The following ROBO1 variants were observed in gnomAD, a reference collection of about 807,000 sequenced individuals.
ROBO1 encodes the protein roundabout homolog 1.
A neutral mutation model predicts 195.9 loss-of-function variants in ROBO1; 149 were observed. The ratio of observed to expected loss-of-function variants is 0.76; its 90% CI spans 0.67 to 0.87. The LOEUF is 0.87. Ranked by LOEUF, ROBO1 falls within the 40% of genes least tolerant of loss-of-function variation. The pLI, the probability that ROBO1 is intolerant of heterozygous loss-of-function variation, is 0.00. For missense variants in ROBO1, 1,933 were observed against 2,068.3 expected (o/e 0.93, Z 1.27); for synonymous variants, 816 against 733.2 (o/e 1.11, Z -1.82).
intron 2 of ROBO1, among the ~76,000 whole-genome samples, chr3:79,407,820 T>G (rs1156278660): frequency 6.6e-6 from 1 of 152,122 alleles, no homozygotes; most frequent in Non-Finnish European, 1.5e-5. Flanking sequence ...AATAAGCACA[T>G]TTTACAGACC....
chr3:79,550,153 AAG>A (rs1378250277), intron 2 of ROBO1, among the ~76,000 whole-genome samples: 1 of 64,760 alleles, frequency 1.5e-5, no homozygotes, highest in Non-Finnish European at 3.5e-5. Context: ...AAAAGAAAGG[AAG>A]AAAGAAAGAA....
At chr3:79,169,902 T>G (rs188873734) in intron 2 of ROBO1, among the ~76,000 whole-genome samples, 3 of 152,242 alleles carry the variant, frequency 2.0e-5, no homozygotes, top group Admixed American at 1.3e-4. Context: ...ACTCTTAACT[T>G]AAAGAGGTAA....
intron 2 of ROBO1, among the ~76,000 whole-genome samples, chr3:79,193,304 C>T (rs947297706): frequency 6.6e-6 from 1 of 151,626 alleles, no homozygotes; most frequent in Non-Finnish European, 1.5e-5. Context: ...ATTATAACAA[C>T]GAATTCAGGA....
At chr3:79,389,296 C>T (rs4510348) in intron 2 of ROBO1, among the ~76,000 whole-genome samples, 55,382 of 151,804 alleles carry the variant, frequency 0.36, 10,768 homozygotes, top group Admixed American at 0.49. Context: ...TGACTGTACA[C>T]CTTTCACAGC....
intron 2 of ROBO1, among the ~76,000 whole-genome samples, chr3:79,481,741 C>T (rs1230904718): frequency 6.6e-6 from 1 of 152,070 alleles, no homozygotes; most frequent in East Asian, 1.9e-4. Context: ...GCCACTTGGA[C>T]CTTGCTTTTA....
At chr3:78,793,229 A>G (rs1295680771) in intron 4 of ROBO1, among the ~76,000 whole-genome samples, 1 of 152,162 alleles carries the variant, frequency 6.6e-6, no homozygotes. Flanking sequence ...CTAATAATTC[A>G]TGGAGTTGTA....
At position 79,017,374 on chromosome 3, in the gene ROBO1, G is replaced by C. The variant is rs112482812; in HGVS notation, c.173-78447C>G. ...AAATCGTTTCATAATTGTGCAAACT[G>C]AGTGACTCTTACCGATAAGCCCTGA... On this transcript the variant is annotated intron_variant, in intron 3 of 30. Coordinates refer to ENST00000464233, the MANE Select transcript of ROBO1 (RefSeq NM_002941.4). Among the ~76,000 whole-genome samples the C allele has an allele frequency of 8.5e-5, 13 of 152,084 alleles. 1 individual carries two copies. Among genetic ancestry groups the C allele is most frequent in the African/African-American group, 3.1e-4 (13 of 41,456 alleles).
At chr3:79,281,101 G>A (rs1249698737) in intron 2 of ROBO1, among the ~76,000 whole-genome samples, 1 of 152,180 alleles carries the variant, frequency 6.6e-6, no homozygotes, top group Non-Finnish European at 1.5e-5. Context: ...GAGTTTCTGT[G>A]TTTAAAAAGA....
chr3:79,671,773 T>G (rs1946639303), intron 1 of ROBO1, among the ~76,000 whole-genome samples: 1 of 151,866 alleles, frequency 6.6e-6, no homozygotes, highest in South Asian at 2.1e-4. Context: ...TTGTTCTTGA[T>G]TTTCACAGAT....
Position 78,668,509 on chromosome 3 carries a change from T to A in ROBO1, c.1605A>T (p.Thr535=). ...CTTGAACTTCAATGTAAGCACTCCA[T>A]GTTGCTTCACCACTGGGGGTTGATG... ...CIASTPSGEA[T]WSAYIEVQEF... The change falls in exon 12 of 31, where the codon ACA becomes ACT. Residue 535 remains threonine (T), a synonymous_variant. Coordinates refer to ENST00000464233, the MANE Select transcript of ROBO1 (RefSeq NM_002941.4). 6.2e-7 allele frequency: 1 copy of A among 1,613,866 alleles called. No homozygotes were observed. The highest frequency in any genetic ancestry group is 1.3e-5 in the African/African-American group (1 of 75,038).
intron 2 of ROBO1, among the ~76,000 whole-genome samples, chr3:79,225,291 A>G (rs2082207213): frequency 6.6e-6 from 1 of 152,174 alleles, no homozygotes; most frequent in Non-Finnish European, 1.5e-5. Flanking sequence ...GTATTTTGAT[A>G]TCACTATAGT....
At chr3:79,139,137 CAT>C (rs1049883070) in intron 2 of ROBO1, among the ~76,000 whole-genome samples, 5 of 150,842 alleles carry the variant, frequency 3.3e-5, no homozygotes, top group Admixed American at 1.3e-4. Flanking sequence ...ACATCAATAA[CAT>C]ATATATATAT....
At chr3:78,903,654 T>C (rs1026193595) in intron 4 of ROBO1, among the ~76,000 whole-genome samples, 1 of 152,126 alleles carries the variant, frequency 6.6e-6, no homozygotes, top group Non-Finnish European at 1.5e-5. Flanking sequence ...TTCGACTTTA[T>C]GTAAGTGTGG....
intron 29 of ROBO1, among the ~76,000 whole-genome samples, chr3:78,601,880 C>CT (rs1313662598): frequency 6.6e-6 from 1 of 152,004 alleles, no homozygotes; most frequent in Non-Finnish European, 1.5e-5. Flanking sequence ...GCTAGCTTTC[C>CT]TTCCTCCCTG....
intron 3 of ROBO1, among the ~76,000 whole-genome samples, chr3:78,946,691 A>C (rs2040464116): frequency 6.6e-5 from 10 of 152,212 alleles, no homozygotes; most frequent in Admixed American, 6.5e-4. Flanking sequence ...TTAAATGTAA[A>C]TGGGCTAAAT....
intron 4 of ROBO1, among the ~76,000 whole-genome samples, chr3:78,789,359 G>A (rs2083948332): frequency 6.6e-6 from 1 of 152,006 alleles, no homozygotes; most frequent in Non-Finnish European, 1.5e-5. Flanking sequence ...AATGAAATTA[G>A]GGTTCAAGTA....
At chr3:78,840,222 T>C (rs1029729914) in intron 4 of ROBO1, among the ~76,000 whole-genome samples, 4 of 152,154 alleles carry the variant, frequency 2.6e-5, no homozygotes, top group Admixed American at 1.3e-4. Context: ...GAAATAGATA[T>C]GGTCTCAGAG....
chr3:79,262,190 T>A (rs1399683530), intron 2 of ROBO1, among the ~76,000 whole-genome samples: 3 of 152,078 alleles, frequency 2.0e-5, no homozygotes, highest in African/African-American at 7.2e-5. Context: ...TACCAAATAG[T>A]ACGACTTTTG....
At chr3:79,555,764 T>A (rs1240471879) in intron 2 of ROBO1, among the ~76,000 whole-genome samples, 3 of 152,110 alleles carry the variant, frequency 2.0e-5, no homozygotes, top group African/African-American at 7.2e-5. Flanking sequence ...AGAATCTGAA[T>A]CATTTCCTTA....
Sources: allele counts gnomAD v4.1 joint callset (sites outside exome capture counted in the v4.1 genomes callset), GRCh38; gene constraint gnomAD v4.1.1; transcripts MANE v1.5; gene names NCBI Gene and HGNC (gene_info 2026-07-23, HGNC 2026-07-21).